BICC1: variants seen among roughly 807,000 people sequenced by gnomAD.
BICC1 encodes BicC family RNA binding protein 1, also known as protein bicaudal C homolog 1.
Under a neutral mutation model 111.0 loss-of-function variants are expected in BICC1, and 43 were observed. The observed-to-expected ratio is 0.39, with a 90% CI of 0.30 to 0.50. The LOEUF (loss-of-function observed/expected upper bound fraction) is 0.50, where lower values mean the gene tolerates loss of function less well. Among genes scored for constraint, BICC1 ranks in the 20% least tolerant of loss-of-function variants. The probability of loss-of-function intolerance (pLI) is 0.88; values close to 1 mark genes in which losing one functional copy is unlikely to be tolerated. For synonymous variants in BICC1, 467 were observed against 434.4 expected (o/e 1.07, Z -0.93); for missense variants, 1,091 against 1,203.2 (o/e 0.91, Z 1.38).
rs575023372 is a variant in BICC1, at chr10:58,671,148, T to C, written c.238-30926T>C. 5.0e-4 allele frequency among the ~76,000 whole-genome samples: 76 copies of C among 152,350 alleles called. 1 individual carries two copies. Among genetic ancestry groups the C allele is most frequent in the African/African-American group, 1.7e-3 (72 of 41,586 alleles). On this transcript the variant is annotated intron_variant, in intron 2 of 20. Transcript: ENST00000373886. ...TCATTCCCATTTCTACAGAGTCATA[T>C]TCTAGTGTCTCCAAGAAAACCTTCT...
At position 58,765,616 on chromosome 10, in the gene BICC1, A is replaced by G. The variant is rs923443340; in HGVS notation, c.308-19385A>G. On this transcript the variant is annotated intron_variant, in intron 3 of 20. Transcript: ENST00000373886. ...TGCCCTGTCAAGACGGGAGAATCCC[A>G]TTAATATCTAAGATTTCAAAACTTA... Among the ~76,000 whole-genome samples the G allele has an allele frequency of 2.6e-5, 4 of 152,356 alleles. No homozygotes were observed. In the South Asian group the frequency reaches 6.2e-4, roughly 24 times the overall value.
At chr10:58,633,850 G>T (rs1215580833) in intron 2 of BICC1, among the ~76,000 whole-genome samples, 1 of 152,082 alleles carries the variant, frequency 6.6e-6, no homozygotes, top group Non-Finnish European at 1.5e-5. Flanking sequence ...GCACACTCTG[G>T]TATTAGCATT....
chr10:58,529,961 T>A (rs1240345684), intron 1 of BICC1, among the ~76,000 whole-genome samples: 1 of 148,866 alleles, frequency 6.7e-6, no homozygotes, highest in Non-Finnish European at 1.5e-5. Flanking sequence ...TTGTGAAAGT[T>A]TTTTTTTTTC....
At chr10:58,731,165 A>G (rs1426520031) in intron 3 of BICC1, among the ~76,000 whole-genome samples, 1 of 152,232 alleles carries the variant, frequency 6.6e-6, no homozygotes, top group African/African-American at 2.4e-5. Flanking sequence ...TCACAAGTTT[A>G]AAGTTCCACA....
rs189197346 is a variant in BICC1, at chr10:58,645,685, T to C, written c.237+24784T>C. 8.5e-5 allele frequency among the ~76,000 whole-genome samples: 13 copies of C among 152,322 alleles called. No homozygotes were observed. In the East Asian group the frequency reaches 2.3e-3, roughly 27 times the overall value. ...ACTTCTGCCAGCAGTCCCATTGGCATTTTGCGGCAGTCATGAAGTTAAATT... is the reference window on the plus strand; with the variant it reads ...ACTTCTGCCAGCAGTCCCATTGGCACTTTGCGGCAGTCATGAAGTTAAATT... On this transcript the variant is annotated intron_variant, in intron 2 of 20. Transcript: ENST00000373886.
At chr10:58,635,942 T>A (rs1837940733) in intron 2 of BICC1, among the ~76,000 whole-genome samples, 1 of 152,252 alleles carries the variant, frequency 6.6e-6, no homozygotes. Context: ...CTTCTTTATA[T>A]GTTAAACTTA....
intron 2 of BICC1, among the ~76,000 whole-genome samples, chr10:58,621,118 T>G (rs1310938772): frequency 6.6e-6 from 1 of 152,084 alleles, no homozygotes; most frequent in Non-Finnish European, 1.5e-5. Context: ...TCTAATGAAA[T>G]TTTTGCTTAA....
intron 2 of BICC1, among the ~76,000 whole-genome samples, chr10:58,659,662 A>G (rs1038308767): frequency 1.8e-4 from 28 of 152,164 alleles, no homozygotes; most frequent in Admixed American, 7.2e-4. Flanking sequence ...CGCGCATGAC[A>G]CACAGTTTAC....
At chr10:58,565,515 C>T (rs1843727751) in intron 1 of BICC1, among the ~76,000 whole-genome samples, 1 of 152,216 alleles carries the variant, frequency 6.6e-6, no homozygotes, top group Non-Finnish European at 1.5e-5. Context: ...GACCATCTCT[C>T]ATCCTTCACA....
At chr10:58,624,380 T>A (rs1163529227) in intron 2 of BICC1, among the ~76,000 whole-genome samples, 2 of 152,218 alleles carry the variant, frequency 1.3e-5, no homozygotes, top group South Asian at 2.1e-4. Flanking sequence ...TACCTTTTAA[T>A]GGAGAAAATA....
intron 2 of BICC1, among the ~76,000 whole-genome samples, chr10:58,633,663 T>C (rs1222122593): frequency 6.6e-6 from 1 of 152,228 alleles, no homozygotes; most frequent in Non-Finnish European, 1.5e-5. Context: ...AAAAAAAATG[T>C]ATTTTCCAGG....
At chr10:58,788,806 C>A (rs1260929924) in intron 6 of BICC1, among the ~76,000 whole-genome samples, 1 of 152,170 alleles carries the variant, frequency 6.6e-6, no homozygotes. Flanking sequence ...CACTTGTAGG[C>A]CAGTTGTGGT....
At chr10:58,730,825 C>T (rs527868195) in intron 3 of BICC1, among the ~76,000 whole-genome samples, 2 of 152,208 alleles carry the variant, frequency 1.3e-5, no homozygotes, top group South Asian at 4.1e-4. Context: ...GAGCAGTGTT[C>T]TAAGGCTGTG....
chr10:58,775,649 A>G (rs1419095864), intron 3 of BICC1, among the ~76,000 whole-genome samples: 1 of 152,216 alleles, frequency 6.6e-6, no homozygotes, highest in Non-Finnish European at 1.5e-5. Flanking sequence ...AACAAATAAT[A>G]CACAGTTGGG....
chr10:58,598,394 A>G (rs1844904863), intron 1 of BICC1, among the ~76,000 whole-genome samples: 2 of 152,190 alleles, frequency 1.3e-5, no homozygotes, highest in African/African-American at 4.8e-5. Context: ...CCTAACACAA[A>G]CAAGCAATGG....
intron 2 of BICC1, among the ~76,000 whole-genome samples, chr10:58,655,214 G>C (rs1358311490): frequency 6.8e-6 from 1 of 146,498 alleles, no homozygotes; most frequent in Non-Finnish European, 1.5e-5. Flanking sequence ...TTCCAATTCT[G>C]TGAAGAAAGT....
At chr10:58,527,839 G>A (rs80065549) in intron 1 of BICC1, among the ~76,000 whole-genome samples, 4,259 of 151,920 alleles carry the variant, frequency 0.028, 189 homozygotes, top group African/African-American at 0.097. Flanking sequence ...TGTCAGGCTC[G>A]GGTGGGTTAG....
rs531135380 is a variant in BICC1 at position 58,708,691 on chromosome 10, G to T, written c.307+6548G>T. Reference sequence around the variant, plus strand: ...CCCTAATCTTTTACTATGCAAATGGGGTCTCTACTTGGCCTGTGCCATGTT... The same window carrying T: ...CCCTAATCTTTTACTATGCAAATGGTGTCTCTACTTGGCCTGTGCCATGTT... On this transcript the variant is annotated intron_variant, in intron 3 of 20. Coordinates refer to ENST00000373886, the MANE Select transcript of BICC1 (RefSeq NM_001080512.3). Among the ~76,000 whole-genome samples the T allele has an allele frequency of 4.1e-5, 6 of 147,814 alleles. No homozygotes were observed. In the East Asian group the frequency reaches 1.0e-3, roughly 25 times the overall value.
chr10:58,699,793 C>G (rs969442085), intron 2 of BICC1, among the ~76,000 whole-genome samples: 4 of 151,992 alleles, frequency 2.6e-5, no homozygotes, highest in African/African-American at 9.7e-5. Flanking sequence ...CTCCTGGGCT[C>G]AAGTGGTCCT....
Sources: allele counts gnomAD v4.1 joint callset (sites outside exome capture counted in the v4.1 genomes callset), GRCh38; gene constraint gnomAD v4.1.1; transcripts MANE v1.5; gene names NCBI Gene and HGNC (gene_info 2026-07-23, HGNC 2026-07-21).